Variants in NCKAP5 observed in about 807,000 individuals in gnomAD.
NCKAP5 encodes NCK associated protein 5.
A neutral mutation model predicts 167.0 loss-of-function variants in NCKAP5; 92 were observed. The ratio of observed to expected loss-of-function variants is 0.55; its 90% CI spans 0.47 to 0.66. The LOEUF (loss-of-function observed/expected upper bound fraction) is 0.66. Ranked by LOEUF, NCKAP5 falls within the 30% of genes least tolerant of loss-of-function variation. The probability of loss-of-function intolerance (pLI) is 0.00; values close to 1 mark genes in which losing one functional copy is unlikely to be tolerated. For missense variants in NCKAP5, 2,378 were observed against 2,315.0 expected, an observed-to-expected ratio of 1.03 and a Z score of -0.56; for synonymous variants, 891 against 877.4, an observed-to-expected ratio of 1.02 and a Z score of -0.27.
the NCKAP5 span, among the ~76,000 whole-genome samples, chr2:133,602,616 G>T: frequency 2.6e-5 from 4 of 152,222 alleles, no homozygotes; most frequent in African/African-American, 9.6e-5. Context: ...TGCATCTTTT[G>T]ACTTTCTGGG....
At position 132,783,796 on chromosome 2, in the gene NCKAP5, G is replaced by A. The variant is rs914449186; in HGVS notation, c.3015C>T (p.Phe1005=). 6.5e-7 allele frequency: 1 copy of A among 1,544,612 alleles called. No homozygotes were observed. Among genetic ancestry groups the A allele is most frequent in the Admixed American group, 2.1e-5 (1 of 48,656 alleles). Residue 1005 remains phenylalanine (F), a synonymous_variant, in exon 14 of 20, where the codon TTC becomes TTT. Transcript: ENST00000409261. ...KPSVAFKKPI[F]THPMPSPEAV... Reference sequence around the variant, plus strand: ...CTTCTGGGGAGGGCATAGGGTGAGTGAAGATAGGCTTTTTGAAGGCCACAG... The same window carrying A: ...CTTCTGGGGAGGGCATAGGGTGAGTAAAGATAGGCTTTTTGAAGGCCACAG...
chr2:133,378,440 A>T (rs539873499), intron 3 of NCKAP5, among the ~76,000 whole-genome samples: 2 of 152,340 alleles, frequency 1.3e-5, no homozygotes, highest in South Asian at 4.1e-4. Context: ...TTGTCAGGAC[A>T]ACCAGTTTGG....
intron 11 of NCKAP5, among the ~76,000 whole-genome samples, chr2:132,798,945 A>T (rs1171132384): frequency 6.6e-6 from 1 of 152,178 alleles, no homozygotes; most frequent in Non-Finnish European, 1.5e-5. Flanking sequence ...AAAAAGATAC[A>T]AGCACACACA....
chr2:133,144,145 A>C (rs2083100773), intron 5 of NCKAP5, among the ~76,000 whole-genome samples: 1 of 152,132 alleles, frequency 6.6e-6, no homozygotes, highest in African/African-American at 2.4e-5. Context: ...TTCAACAATT[A>C]GCTAGTAAAG....
chr2:133,604,066 G>T, the NCKAP5 span, among the ~76,000 whole-genome samples: 1 of 152,210 alleles, frequency 6.6e-6, no homozygotes, highest in Non-Finnish European at 1.5e-5. Context: ...GCCTGAGAAT[G>T]CTTTCTGGGG....
rs576266861 is a variant in NCKAP5 at position 133,318,914 on chromosome 2, C to T, written c.70-15804G>A. Among the ~76,000 whole-genome samples the T allele has an allele frequency of 1.8e-3, 274 of 152,230 alleles. 1 individual carries two copies. The highest frequency in any genetic ancestry group is 3.1e-3 in the Non-Finnish European group (210 of 68,020). On this transcript the variant is annotated intron_variant, in intron 3 of 19. Transcript: ENST00000409261. ...ACAATTAAGATCTAATGCAACGGTT[C>T]TCCCACTATGGACACAGACCAGCAT... is the stretch of plus-strand genomic sequence containing the variant.
At chr2:133,596,004 C>G in the NCKAP5 span, 1 of 152,204 alleles carries the variant, frequency 6.6e-6, no homozygotes, top group African/African-American at 2.4e-5. Flanking sequence ...CTATATAAAT[C>G]TATTATGTAA....
rs2086702177 is a variant in NCKAP5, at chr2:133,222,580, C to T, written c.144-8801G>A. 2.3e-5 allele frequency among the ~76,000 whole-genome samples: 3 copies of T among 129,370 alleles called. No homozygotes were observed. The South Asian group carries it at 8.7e-4, about 37-fold the overall frequency. The allele number at this position is 129,370 out of a possible 152,430, so 84.9% of individuals were successfully genotyped here. A position where few individuals can be genotyped will look rare whatever the true frequency, so the allele number is the denominator to read the frequency against. ...CTTATAAAAATTCTTTTAAAATATT[C>T]TTAAAAAATAACATCTTAGTATTCT... On this transcript the variant is annotated intron_variant, in intron 4 of 19. Coordinates refer to ENST00000409261, the MANE Select transcript of NCKAP5 (RefSeq NM_207363.3).
At chr2:133,465,466 C>A (rs1692510954) in intron 3 of NCKAP5, among the ~76,000 whole-genome samples, 3 of 151,956 alleles carry the variant, frequency 2.0e-5, no homozygotes, top group Admixed American at 6.6e-5. Flanking sequence ...CCGCAATAAA[C>A]ACACGTGTGC....
chr2:133,150,066 A>C (rs76353891), intron 5 of NCKAP5, among the ~76,000 whole-genome samples: 3,009 of 152,284 alleles, frequency 0.02, 43 homozygotes, highest in Non-Finnish European at 0.028. Flanking sequence ...GATTTCTTCA[A>C]GTACTTAAGG....
intron 11 of NCKAP5, among the ~76,000 whole-genome samples, chr2:132,840,668 T>C (rs1369228730): frequency 2.0e-5 from 3 of 152,334 alleles, no homozygotes; most frequent in East Asian, 1.9e-4. Flanking sequence ...TAGTACAGTA[T>C]GTATACAGTT....
chr2:132,673,149 C>G lies in NCKAP5; in HGVS notation c.*140G>C. 1 of 1,356,602 alleles carries G rather than the reference C, an allele frequency of 7.4e-7. No individual in the cohort carries two copies. The highest frequency in any genetic ancestry group is 2.0e-5 in the South Asian group (1 of 50,970). 84.0% of individuals were successfully genotyped at this position (1,356,602 alleles called of 1,614,324 possible). ...CTCAAAGATGTCTCTTCATTTTTTT[C>G]TTTTTCTTCCTTCTGTCCTTCAACC... is the stretch of plus-strand genomic sequence containing the variant. On this transcript the variant is annotated 3_prime_UTR_variant, in exon 20 of 20. Transcript: ENST00000409261.
chr2:133,453,291 G>C (rs938583433), intron 3 of NCKAP5, among the ~76,000 whole-genome samples: 2 of 152,082 alleles, frequency 1.3e-5, no homozygotes, highest in Non-Finnish European at 2.9e-5. Context: ...GATACTTATA[G>C]AACCACTGAA....
the NCKAP5 span, among the ~76,000 whole-genome samples, chr2:133,635,655 A>G: frequency 6.6e-4 from 100 of 152,366 alleles, no homozygotes; most frequent in African/African-American, 2.3e-3. Flanking sequence ...TAACTTCTAA[A>G]GACAAGCAAC....
chr2:132,751,524 G>A (rs1038094512), intron 16 of NCKAP5, among the ~76,000 whole-genome samples: 2 of 152,134 alleles, frequency 1.3e-5, no homozygotes, highest in African/African-American at 4.8e-5. Context: ...CAGAAGCCAA[G>A]TTTATTATCT....
intron 3 of NCKAP5, among the ~76,000 whole-genome samples, chr2:133,425,950 A>T (rs1689765020): frequency 6.6e-6 from 1 of 152,198 alleles, no homozygotes; most frequent in African/African-American, 2.4e-5. Flanking sequence ...CCTTTAAATT[A>T]AAAAACAGTC....
At chr2:132,827,750 C>T (rs148767251) in intron 11 of NCKAP5, among the ~76,000 whole-genome samples, 137 of 152,252 alleles carry the variant, frequency 9.0e-4, no homozygotes, top group African/African-American at 2.6e-3. Context: ...ATAGGATTCT[C>T]GGTCTGTGCT....
chr2:132,841,104 T>C (rs1312247689), intron 11 of NCKAP5, among the ~76,000 whole-genome samples: 1 of 152,152 alleles, frequency 6.6e-6, no homozygotes, highest in Non-Finnish European at 1.5e-5. Context: ...TCCAACACCA[T>C]ATTGATTTTA....
At chr2:132,729,774 A>G (rs571569380) in intron 17 of NCKAP5, among the ~76,000 whole-genome samples, 3 of 152,278 alleles carry the variant, frequency 2.0e-5, no homozygotes, top group South Asian at 2.1e-4. Flanking sequence ...TTATCCTCCA[A>G]CCTCAGTGAT....
Sources: allele counts gnomAD v4.1 joint callset (sites outside exome capture counted in the v4.1 genomes callset), GRCh38; gene constraint gnomAD v4.1.1; transcripts MANE v1.5; gene names NCBI Gene and HGNC (gene_info 2026-07-23, HGNC 2026-07-21).